The following QTMAN variants were observed in gnomAD, a reference collection of about 807,000 sequenced individuals.
QTMAN encodes queuosine-tRNA mannosyltransferase, also known as tRNA-queuosine alpha-mannosyltransferase.
chr2:144,300,548 G>C, the QTMAN span, among the ~76,000 whole-genome samples: 1 of 152,046 alleles, frequency 6.6e-6, no homozygotes, highest in Admixed American at 6.5e-5. Flanking sequence ...ACTTACAAAG[G>C]AACCAAACTA....
the QTMAN span, among the ~76,000 whole-genome samples, chr2:144,269,170 C>G: frequency 6.6e-6 from 1 of 152,120 alleles, no homozygotes; most frequent in Non-Finnish European, 1.5e-5. Flanking sequence ...TCATAATATA[C>G]GCTAACTGAT....
the QTMAN span, among the ~76,000 whole-genome samples, chr2:144,106,580 A>C: frequency 1.3e-5 from 2 of 152,248 alleles, no homozygotes; most frequent in African/African-American, 4.8e-5. Flanking sequence ...TATGCACCCA[A>C]TACAGGAGCA....
At chr2:144,146,027 G>T in the QTMAN span, 14 of 165,082 alleles carry the variant, frequency 8.5e-5, no homozygotes, top group African/African-American at 4.4e-4. Flanking sequence ...AAGCCGGATG[G>T]ATTTTATTGA....
the QTMAN span, among the ~76,000 whole-genome samples, chr2:144,252,042 T>TC: frequency 6.6e-6 from 1 of 152,006 alleles, no homozygotes; most frequent in East Asian, 1.9e-4. Context: ...TGTTTTTTTT[T>TC]TAATGTGTAA....
chr2:144,120,843 C>A, the QTMAN span, among the ~76,000 whole-genome samples: 1 of 152,068 alleles, frequency 6.6e-6, no homozygotes, highest in Non-Finnish European at 1.5e-5. Flanking sequence ...CTGGCTCTGC[C>A]TTTTATTGAT....
chr2:143,958,005 T>C, the QTMAN span, among the ~76,000 whole-genome samples: 15 of 152,246 alleles, frequency 9.9e-5, no homozygotes, highest in African/African-American at 3.1e-4. Flanking sequence ...TGAAAATAAA[T>C]GCACCAGTAA....
chr2:144,036,079 G>C, the QTMAN span, among the ~76,000 whole-genome samples: 1 of 152,098 alleles, frequency 6.6e-6, no homozygotes, highest in Non-Finnish European at 1.5e-5. Context: ...CTTTTGTACT[G>C]TATACAATAC....
chr2:144,131,892 A>G, the QTMAN span, among the ~76,000 whole-genome samples: 1 of 151,942 alleles, frequency 6.6e-6, no homozygotes, highest in African/African-American at 2.4e-5. Context: ...GGTAAAGATG[A>G]AAAGTAATGT....
At chr2:144,034,308 T>G in the QTMAN span, among the ~76,000 whole-genome samples, 2 of 152,214 alleles carry the variant, frequency 1.3e-5, no homozygotes, top group East Asian at 3.8e-4. Context: ...AAGCTAGGTG[T>G]TTCATCCATG....
chr2:144,211,140 T>C, the QTMAN span: 7 of 152,208 alleles, frequency 4.6e-5, no homozygotes, highest in African/African-American at 1.7e-4. Flanking sequence ...TCACGAGTTA[T>C]CTGCAAATTA....
chr2:144,173,544 A>C, the QTMAN span, among the ~76,000 whole-genome samples: 1 of 152,174 alleles, frequency 6.6e-6, no homozygotes, highest in African/African-American at 2.4e-5. Flanking sequence ...CAACCGTGTG[A>C]GCTTGACAGC....
chr2:144,009,653 C>G, the QTMAN span, among the ~76,000 whole-genome samples: 1 of 152,056 alleles, frequency 6.6e-6, no homozygotes, highest in Admixed American at 6.6e-5. Context: ...GTACTAACCC[C>G]TTAAATATGC....
the QTMAN span, chr2:144,145,954 G>A: frequency 3.7e-5 from 5 of 133,686 alleles, no homozygotes; most frequent in East Asian, 9.5e-4. Context: ...AATCTCACTG[G>A]TCTTCTCAGT....
At chr2:144,258,982 A>G in the QTMAN span, among the ~76,000 whole-genome samples, 2 of 152,228 alleles carry the variant, frequency 1.3e-5, no homozygotes, top group Non-Finnish European at 2.9e-5. Context: ...CTAAATTCTA[A>G]CAGAATAATT....
chr2:144,084,143 T>C, the QTMAN span, among the ~76,000 whole-genome samples: 3 of 152,304 alleles, frequency 2.0e-5, no homozygotes, highest in East Asian at 1.9e-4. Flanking sequence ...AGCCAACTTA[T>C]GCCATGTGCC....
At chr2:144,129,722 A>G in the QTMAN span, among the ~76,000 whole-genome samples, 1 of 152,026 alleles carries the variant, frequency 6.6e-6, no homozygotes, top group Non-Finnish European at 1.5e-5. Context: ...TTGTGCAGCT[A>G]GTGAGCTCAC....
chr2:144,062,011 C>A, the QTMAN span, among the ~76,000 whole-genome samples: 1 of 152,208 alleles, frequency 6.6e-6, no homozygotes, highest in Non-Finnish European at 1.5e-5. Context: ...TCAGTAAAAT[C>A]CCCGCGTTCA....
At chr2:143,988,008 T>A in the QTMAN span, among the ~76,000 whole-genome samples, 1 of 152,114 alleles carries the variant, frequency 6.6e-6, no homozygotes, top group Non-Finnish European at 1.5e-5. Flanking sequence ...ATCAGTTTGA[T>A]GGAAGAGTGA....
chr2:144,019,435 G>GGGGTGTGTGTGTGT, the QTMAN span, among the ~76,000 whole-genome samples: 259 of 117,274 alleles, frequency 2.2e-3, 1 homozygote, highest in Non-Finnish European at 3.2e-3. Flanking sequence ...TAAGCATGCA[G>GGGGTGTGTGTGTGT]GTGTGTGTGT....
Sources: gnomAD v4.1 joint callset for allele counts (sites outside exome capture counted in the v4.1 genomes callset) on GRCh38, gnomAD v4.1.1 for gene constraint, MANE v1.5 for transcripts, NCBI Gene and HGNC (gene_info 2026-07-23, HGNC 2026-07-21) for gene names.